The following DMD variants were observed in gnomAD, a reference collection of about 807,000 sequenced individuals.
The protein encoded by DMD is mutant dystrophin.
In DMD, 63 loss-of-function variants were observed where a neutral mutation model predicts 330.1. The ratio of observed to expected loss-of-function variants is 0.19; its 90% confidence interval spans 0.16 to 0.24. The LOEUF is 0.24. Ranked by LOEUF, DMD falls within the 10% of genes least tolerant of loss-of-function variation. DMD has a pLI of 1.00. For missense variants in DMD, 3,344 were observed against 2,684.1 expected (o/e 1.25, Z -5.43); for synonymous variants, 1,223 against 959.8 (o/e 1.27, Z -5.07).
chrX:32,438,860 A>C (rs1195184530), intron 28 of DMD, among the ~76,000 whole-genome samples: 1 of 111,797 alleles, frequency 8.9e-6, no homozygotes, highest in Non-Finnish European at 1.9e-5. Flanking sequence ...GAGGTCCTTC[A>C]TGCTCAGGAA....
intron 2 of DMD, among the ~76,000 whole-genome samples, chrX:32,895,762 T>C (rs942901677): frequency 9.0e-6 from 1 of 110,836 alleles, no homozygotes; most frequent in Non-Finnish European, 1.9e-5. Flanking sequence ...TTGAGGGTGG[T>C]AGAGAGAATT....
At chrX:32,772,879 G>A (rs1023713289) in intron 7 of DMD, among the ~76,000 whole-genome samples, 3 of 105,437 alleles carry the variant, frequency 2.8e-5, no homozygotes, top group Non-Finnish European at 5.6e-5. Context: ...AATTGTTTAA[G>A]CTCAAGTAGA....
At chrX:32,364,906 G>A in intron 35 of DMD, 114 bp downstream of exon 35, 1 of 837,799 alleles carries the variant, frequency 1.2e-6, no homozygotes, top group Non-Finnish European at 1.8e-6. Context: ...TGAATTAAGA[G>A]CCAGCATATA....
intron 44 of DMD, among the ~76,000 whole-genome samples, chrX:32,091,702 A>C (rs1454079134): frequency 2.7e-5 from 3 of 112,034 alleles, no homozygotes; most frequent in Non-Finnish European, 5.6e-5. Context: ...CATTAATTAA[A>C]AGTCATGTTG....
chrX:33,027,830 G>A (rs112766304), intron 1 of DMD, among the ~76,000 whole-genome samples: 2,530 of 111,771 alleles, frequency 0.023, 40 homozygotes, highest in African/African-American at 0.061. Context: ...AGAGACAAGT[G>A]GTAGAAAAGA....
chrX:32,271,518 G>T (rs187913195), intron 43 of DMD, among the ~76,000 whole-genome samples: 1 of 112,933 alleles, frequency 8.9e-6, no homozygotes, highest in East Asian at 2.8e-4. Flanking sequence ...TAATTCTTGT[G>T]AAAATTGCCT....
intron 59 of DMD, among the ~76,000 whole-genome samples, chrX:31,445,974 T>C (rs1215633500): frequency 8.9e-6 from 1 of 112,179 alleles, no homozygotes; most frequent in African/African-American, 3.2e-5. Flanking sequence ...ACTATACGTG[T>C]TGTTTTGACT....
chrX:31,339,820 C>G (rs774695343), intron 61 of DMD, among the ~76,000 whole-genome samples: 1 of 112,260 alleles, frequency 8.9e-6, no homozygotes, highest in African/African-American at 3.2e-5. Context: ...GGTGATCTGC[C>G]CGCCTCGGCC....
chrX:32,087,571 C>T (rs1603624583), intron 44 of DMD, among the ~76,000 whole-genome samples: 1 of 111,736 alleles, frequency 8.9e-6, no homozygotes, highest in East Asian at 2.8e-4. Flanking sequence ...AATTTTTGCC[C>T]TGATATTGAC....
intron 55 of DMD, among the ~76,000 whole-genome samples, chrX:31,507,909 G>A (rs60685780): frequency 9.0e-6 from 1 of 111,464 alleles, no homozygotes; most frequent in Non-Finnish European, 1.9e-5. Flanking sequence ...TAAAAGCGTG[G>A]AGAGACTAAT....
At chrX:32,868,096 C>G (rs1250345530) in intron 2 of DMD, among the ~76,000 whole-genome samples, 1 of 111,137 alleles carries the variant, frequency 9.0e-6, no homozygotes, top group Non-Finnish European at 1.9e-5. Context: ...CAGGGTGGTG[C>G]CATGGCCCAC....
At chrX:31,854,388 G>A (rs1194968492) in intron 48 of DMD, among the ~76,000 whole-genome samples, 4 of 111,621 alleles carry the variant, frequency 3.6e-5, no homozygotes, top group Admixed American at 9.5e-5. Flanking sequence ...TAGTAGGTCA[G>A]GATGAAATGA....
intron 41 of DMD, among the ~76,000 whole-genome samples, chrX:32,319,451 AC>A (rs1369810016): frequency 1.8e-5 from 2 of 112,026 alleles, no homozygotes; most frequent in Admixed American, 9.5e-5. Flanking sequence ...TATCAACTTA[AC>A]AGGATAATTA....
chrX:31,685,678 G>T (rs947513084), intron 52 of DMD, among the ~76,000 whole-genome samples: 1 of 112,388 alleles, frequency 8.9e-6, no homozygotes, highest in African/African-American at 3.2e-5. Context: ...TATGCCAGCA[G>T]TGTCCTAGTA....
At chrX:31,891,408 G>A (rs1427024724) in intron 47 of DMD, among the ~76,000 whole-genome samples, 1 of 111,896 alleles carries the variant, frequency 8.9e-6, no homozygotes, top group Non-Finnish European at 1.9e-5. Flanking sequence ...TATATTCTGC[G>A]AGGATTGTTG....
At chrX:32,977,480 C>T (rs1354604668) in intron 2 of DMD, among the ~76,000 whole-genome samples, 2 of 110,272 alleles carry the variant, frequency 1.8e-5, no homozygotes, top group Non-Finnish European at 3.8e-5. Flanking sequence ...CTTTCCTTCA[C>T]AATTAGAAAC....
intron 29 of DMD, among the ~76,000 whole-genome samples, chrX:32,417,199 C>T (rs781781759): frequency 1.9e-4 from 21 of 111,469 alleles, no homozygotes; most frequent in African/African-American, 6.8e-4. Flanking sequence ...CAGGGCATAG[C>T]AAAGGGCTTA....
At chrX:31,771,563 T>C (rs779460456) in intron 51 of DMD, among the ~76,000 whole-genome samples, 143 of 109,353 alleles carry the variant, frequency 1.3e-3, no homozygotes, top group African/African-American at 4.7e-3. Flanking sequence ...AGTGCAATGG[T>C]GTGATCTCAG....
chrX:32,215,037 A>C (rs1350181793), intron 44 of DMD, among the ~76,000 whole-genome samples: 1 of 111,932 alleles, frequency 8.9e-6, no homozygotes, highest in Admixed American at 9.5e-5. Flanking sequence ...TTGAGTAGAC[A>C]CATGGAAGAA....
Sources: allele counts gnomAD v4.1 joint callset (sites outside exome capture counted in the v4.1 genomes callset), GRCh38; gene constraint gnomAD v4.1.1; transcripts MANE v1.5; gene names NCBI Gene and HGNC (gene_info 2026-07-23, HGNC 2026-07-21).